Variants in EGFLAM observed in about 807,000 individuals in gnomAD.
The protein encoded by EGFLAM is EGF like, fibronectin type III and laminin G domains, also known as pikachurin.
In EGFLAM, 79 loss-of-function variants were observed where a neutral mutation model predicts 113.1. The ratio of observed to expected loss-of-function variants is 0.70; its 90% CI spans 0.58 to 0.84. The LOEUF is 0.84. Among genes scored for constraint, EGFLAM ranks in the 40% least tolerant of loss-of-function variants. The pLI is 0.00. For missense variants in EGFLAM, 1,265 were observed against 1,291.6 expected (o/e 0.98, Z 0.32); for synonymous variants, 504 against 487.6 (o/e 1.03, Z -0.44).
rs74720058 is a variant in EGFLAM at position 38,450,519 on chromosome 5, T to C, written c.2544-796T>C. Among the ~76,000 whole-genome samples, 346 of 152,338 alleles carry C rather than the reference T, an allele frequency of 2.3e-3. 10 individuals carry two copies. In the East Asian group the frequency reaches 0.059, roughly 26 times the overall value. On this transcript the variant is annotated intron_variant, in intron 18 of 21. Transcript: ENST00000322350. ...GACAAAGAAACTTTTCCAATGACAT[T>C]ATGCTAGTAGCAATGTTAAATTATG...
chr5:38,446,841 T>C (rs532265167), intron 17 of EGFLAM, among the ~76,000 whole-genome samples: 2 of 151,584 alleles, frequency 1.3e-5, no homozygotes, highest in Admixed American at 1.3e-4. Context: ...GGCTTTGCTG[T>C]TTCCGCTCTT....
chr5:38,412,988 A>G (rs189071383), intron 11 of EGFLAM, among the ~76,000 whole-genome samples: 6 of 152,268 alleles, frequency 3.9e-5, no homozygotes, highest in Admixed American at 3.9e-4. Flanking sequence ...AGCCAGCAGT[A>G]GAAGAAGGCC....
At chr5:38,399,548 G>T (rs1159960134) in intron 6 of EGFLAM, among the ~76,000 whole-genome samples, 1 of 152,024 alleles carries the variant, frequency 6.6e-6, no homozygotes, top group African/African-American at 2.4e-5. Flanking sequence ...AAAGTGCTAG[G>T]GTTACAGGTG....
intron 1 of EGFLAM, among the ~76,000 whole-genome samples, chr5:38,274,259 A>G (rs1757832482): frequency 6.6e-6 from 1 of 152,206 alleles, no homozygotes; most frequent in African/African-American, 2.4e-5. Context: ...GGAGTAGATG[A>G]AAAACAAAGG....
rs530061622 is a variant in EGFLAM at position 38,439,425 on chromosome 5, T to A, written c.2464+970T>A. Among the ~76,000 whole-genome samples, 4 of 151,058 alleles carry A rather than the reference T, an allele frequency of 2.6e-5. No individual in the cohort carries two copies. The East Asian group carries it at 7.8e-4, about 29-fold the overall frequency. ...AACAAGCCTGGAAGAAATAAAGCAA[T>A]GAGCCTCTGAAGGAATGTGCACTGT... On this transcript the variant is annotated intron_variant, in intron 17 of 21. Coordinates refer to ENST00000322350, the MANE Select transcript of EGFLAM (RefSeq NM_152403.4).
At chr5:38,394,192 C>T (rs1740891038) in intron 6 of EGFLAM, among the ~76,000 whole-genome samples, 1 of 151,720 alleles carries the variant, frequency 6.6e-6, no homozygotes. Flanking sequence ...TTTATGGGCA[C>T]AGGACAGGGG....
chr5:38,360,250 G>A (rs187712412), intron 5 of EGFLAM, among the ~76,000 whole-genome samples: 13 of 152,306 alleles, frequency 8.5e-5, no homozygotes, highest in Admixed American at 7.8e-4. Flanking sequence ...AAGGTCAAAA[G>A]CTGTGAAGGT....
At chr5:38,326,714 G>C (rs762806543) in intron 1 of EGFLAM, among the ~76,000 whole-genome samples, 1 of 151,016 alleles carries the variant, frequency 6.6e-6, no homozygotes, top group South Asian at 2.1e-4. Flanking sequence ...GGATGGTCTC[G>C]ATCTCCTGAC....
intron 1 of EGFLAM, among the ~76,000 whole-genome samples, chr5:38,303,489 A>G (rs1053548844): frequency 2.0e-5 from 3 of 152,108 alleles, no homozygotes; most frequent in African/African-American, 7.2e-5. Context: ...CCAGTTATCT[A>G]TAGGGCTTCT....
chr5:38,392,030 G>A (rs1331860562), intron 6 of EGFLAM, among the ~76,000 whole-genome samples: 2 of 152,014 alleles, frequency 1.3e-5, no homozygotes, highest in Non-Finnish European at 2.9e-5. Flanking sequence ...ATGGGAATTT[G>A]TTGTACAGAT....
chr5:38,450,293 A>C (rs1013323800), intron 18 of EGFLAM, among the ~76,000 whole-genome samples: 1 of 152,154 alleles, frequency 6.6e-6, no homozygotes, highest in African/African-American at 2.4e-5. Flanking sequence ...GATTGTGCTG[A>C]ACCTGGCCTG....
chr5:38,368,808 G>A (rs772823232), intron 5 of EGFLAM, among the ~76,000 whole-genome samples: 16 of 151,994 alleles, frequency 1.1e-4, no homozygotes, highest in Non-Finnish European at 1.6e-4. Context: ...TCAGCTATGT[G>A]ACCTTGGGCA....
intron 1 of EGFLAM, among the ~76,000 whole-genome samples, chr5:38,275,292 A>G (rs1757860208): frequency 1.3e-5 from 2 of 152,318 alleles, no homozygotes; most frequent in East Asian, 3.8e-4. Flanking sequence ...GGCTTGAAAA[A>G]CAAGACCCAT....
At chr5:38,306,839 C>T (rs759074923) in intron 1 of EGFLAM, among the ~76,000 whole-genome samples, 1 of 152,206 alleles carries the variant, frequency 6.6e-6, no homozygotes, top group African/African-American at 2.4e-5. Context: ...CTAACAGTTT[C>T]TGCACATAGG....
At chr5:38,262,265 C>A (rs1441315759) in intron 1 of EGFLAM, among the ~76,000 whole-genome samples, 1 of 152,214 alleles carries the variant, frequency 6.6e-6, no homozygotes, top group Non-Finnish European at 1.5e-5. Flanking sequence ...GAGGGGAAAT[C>A]CAGACAACTG....
intron 1 of EGFLAM, among the ~76,000 whole-genome samples, chr5:38,284,748 G>A (rs1393250616): frequency 6.6e-6 from 1 of 152,176 alleles, no homozygotes; most frequent in Non-Finnish European, 1.5e-5. Flanking sequence ...AATGTATGCT[G>A]CCACTAGAGA....
intron 9 of EGFLAM, among the ~76,000 whole-genome samples, chr5:38,408,627 G>A (rs2112133225): frequency 6.6e-6 from 1 of 152,252 alleles, no homozygotes; most frequent in Middle Eastern, 3.4e-3. Flanking sequence ...CAGGGGGAGG[G>A]AAATAGAAAG....
chr5:38,296,446 C>T (rs1031605657), intron 1 of EGFLAM, among the ~76,000 whole-genome samples: 4 of 152,106 alleles, frequency 2.6e-5, no homozygotes, highest in Non-Finnish European at 4.4e-5. Context: ...TCACAGTATA[C>T]TCAGCTGCCT....
In EGFLAM at chr5:38,438,192, A is replaced by G. The variant is rs1004648754; in HGVS notation, c.2284-83A>G. ...TTTTCAATCTCCCTATGTGTAGCTCAGGTTAATTTGCCAAGGGAAGCTTTA... is the reference window on the plus strand; with the variant it reads ...TTTTCAATCTCCCTATGTGTAGCTCGGGTTAATTTGCCAAGGGAAGCTTTA... On this transcript the variant is annotated intron_variant, in intron 16 of 21. Transcript: ENST00000322350. 2.3e-5 allele frequency: 33 copies of G among 1,454,424 alleles called. No homozygotes were observed. The African/African-American group carries it at 4.0e-4, about 18-fold the overall frequency. 90.1% of individuals were successfully genotyped at this position (1,454,424 alleles called of 1,614,324 possible).
Sources: gnomAD v4.1 joint callset for allele counts (sites outside exome capture counted in the v4.1 genomes callset) on GRCh38, gnomAD v4.1.1 for gene constraint, MANE v1.5 for transcripts, NCBI Gene and HGNC (gene_info 2026-07-23, HGNC 2026-07-21) for gene names.